SGMS1: variants seen among roughly 807,000 people sequenced by gnomAD.
The protein encoded by SGMS1 is sphingomyelin synthase 1.
A neutral mutation model predicts 46.2 loss-of-function variants in SGMS1; 13 were observed. That is an observed-to-expected ratio of 0.28 (90% confidence interval 0.18 to 0.45). The LOEUF (loss-of-function observed/expected upper bound fraction) is 0.45. SGMS1 is among the 20% of genes least tolerant of loss of function. SGMS1 has a pLI of 1.00. For missense variants in SGMS1, 324 were observed against 519.9 expected (o/e 0.62, Z 3.66); for synonymous variants, 203 against 187.8 (o/e 1.08, Z -0.66).
chr10:50,621,405 A>G (rs1419165402), intron 1 of SGMS1, among the ~76,000 whole-genome samples: 1 of 152,232 alleles, frequency 6.6e-6, no homozygotes, highest in East Asian at 1.9e-4. Context: ...GAAAACATAA[A>G]TATTCTTTAA....
chr10:50,364,074 A>G (rs527242550), intron 6 of SGMS1, among the ~76,000 whole-genome samples: 2 of 152,212 alleles, frequency 1.3e-5, no homozygotes, highest in South Asian at 4.1e-4. Context: ...AATATGAACA[A>G]TTCAATAGGA....
chr10:50,400,406 T>C (rs79648633), intron 6 of SGMS1, among the ~76,000 whole-genome samples: 2 of 5,156 alleles, frequency 3.9e-4, no homozygotes, highest in Admixed American at 2.8e-3. Context: ...CATATATATA[T>C]ATATATATAT....
upstream of SGMS1, chr10:50,624,629 G>C (rs1838900481): frequency 1.0e-6 from 1 of 985,396 alleles, no homozygotes; most frequent in African/African-American, 1.7e-5. Flanking sequence ...CCTCCGAGCT[G>C]CGGCGAAAAC....
At chr10:50,568,340 A>G (rs1838307953) in intron 2 of SGMS1, among the ~76,000 whole-genome samples, 2 of 152,350 alleles carry the variant, frequency 1.3e-5, no homozygotes, top group African/African-American at 4.8e-5. Context: ...TGAAGGAAGA[A>G]TGGAATGAAG....
At chr10:50,324,225 A>C (rs1847494636) in intron 8 of SGMS1, among the ~76,000 whole-genome samples, 1 of 152,194 alleles carries the variant, frequency 6.6e-6, no homozygotes, top group Admixed American at 6.5e-5. Flanking sequence ...TGAGGCTCTG[A>C]AAAGTTAAAT....
intron 2 of SGMS1, among the ~76,000 whole-genome samples, chr10:50,550,644 G>C (rs1453815487): frequency 6.6e-6 from 1 of 152,100 alleles, no homozygotes; most frequent in African/African-American, 2.4e-5. Flanking sequence ...CCCTGAGATT[G>C]TACTAATACA....
rs1564926600 is a variant in SGMS1 at position 50,488,028 on chromosome 10, T to TTGATTGATTG, written c.-497-21097_-497-21096insCAATCAATCA. Among the ~76,000 whole-genome samples, 403 of 137,406 alleles carry TTGATTGATTG rather than the reference T, an allele frequency of 2.9e-3. 1 individual carries two copies. The highest frequency in any genetic ancestry group is 9.9e-3 in the African/African-American group (383 of 38,784). The allele number at this position is 137,406 out of a possible 152,430, so 90.1% of individuals were successfully genotyped here. On this transcript the variant is annotated intron_variant, in intron 3 of 10. Coordinates refer to ENST00000361781, the MANE Select transcript of SGMS1 (RefSeq NM_147156.4). ...TTATTTATTTATTTATTTATTTATT[T>TTGATTGATTG]ATTGAGACTGAGTCTCACTCTATTG... is the stretch of plus-strand genomic sequence containing the variant.
At chr10:50,619,170 T>C (rs1361964143) in intron 1 of SGMS1, among the ~76,000 whole-genome samples, 1 of 151,650 alleles carries the variant, frequency 6.6e-6, no homozygotes, top group Non-Finnish European at 1.5e-5. Context: ...GCATACAGGA[T>C]GTTTGCTAGT....
intron 1 of SGMS1, among the ~76,000 whole-genome samples, chr10:50,615,462 G>A (rs1448803267): frequency 6.6e-6 from 1 of 152,196 alleles, no homozygotes; most frequent in Non-Finnish European, 1.5e-5. Context: ...ACCTACCAGA[G>A]AGTTGGGGAA....
intron 6 of SGMS1, among the ~76,000 whole-genome samples, chr10:50,365,517 T>G (rs1220034581): frequency 6.6e-6 from 1 of 152,120 alleles, no homozygotes; most frequent in Non-Finnish European, 1.5e-5. Flanking sequence ...CGGTACCTAT[T>G]AACCCATCAT....
intron 2 of SGMS1, among the ~76,000 whole-genome samples, chr10:50,575,678 T>C (rs1838378022): frequency 7.0e-6 from 1 of 143,022 alleles, no homozygotes; most frequent in Non-Finnish European, 1.5e-5. Context: ...TCGACTGTGG[T>C]GGTGGTAATA....
At chr10:50,598,454 AC>A (rs1206330589) in intron 1 of SGMS1, among the ~76,000 whole-genome samples, 1 of 152,244 alleles carries the variant, frequency 6.6e-6, no homozygotes, top group Non-Finnish European at 1.5e-5. Context: ...AGTGAATTTT[AC>A]TGAATTTTAA....
intron 1 of SGMS1, among the ~76,000 whole-genome samples, chr10:50,598,023 A>G (rs1191298452): frequency 2.0e-5 from 3 of 151,768 alleles, no homozygotes; most frequent in Non-Finnish European, 2.9e-5. Flanking sequence ...AAAAAAAAAA[A>G]AAAAGAAAAA....
chr10:50,581,014 A>T (rs1189270858), intron 2 of SGMS1, among the ~76,000 whole-genome samples: 2 of 152,210 alleles, frequency 1.3e-5, no homozygotes, highest in Non-Finnish European at 2.9e-5. Context: ...TCAATTCAGT[A>T]GGTCTGGGTG....
At chr10:50,399,921 CG>C (rs1848906795) in intron 6 of SGMS1, among the ~76,000 whole-genome samples, 1 of 151,120 alleles carries the variant, frequency 6.6e-6, no homozygotes, top group African/African-American at 2.4e-5. Flanking sequence ...CCCAGCCACT[CG>C]GGAGGCTGAG....
intron 6 of SGMS1, among the ~76,000 whole-genome samples, chr10:50,350,545 CG>C (rs1847991014): frequency 1.3e-5 from 2 of 152,084 alleles, no homozygotes; most frequent in African/African-American, 4.8e-5. Context: ...AGGAGGAAAA[CG>C]TTGTTTCATG....
chr10:50,323,077 C>T (rs182070571), intron 8 of SGMS1, among the ~76,000 whole-genome samples: 30 of 152,276 alleles, frequency 2.0e-4, no homozygotes, highest in Admixed American at 7.2e-4. Context: ...ATTATTGCTG[C>T]AGAAACATTT....
In SGMS1 at chr10:50,343,937, G is replaced by A. The variant is rs755753601; in HGVS notation, c.178C>T (p.Leu60Phe). Residue 60 changes from leucine (L) to phenylalanine (F), a missense_variant, in exon 7 of 11, where the codon CTC becomes TTC. By Grantham distance (22) the Leu-to-Phe change is conservative. This residue lies in a region of SGMS1 where 150 missense variants were observed against 169.8 expected (regional missense o/e 0.88). Coordinates refer to ENST00000361781, the MANE Select transcript of SGMS1 (RefSeq NM_147156.4). ...TTCAGGGTTTCTATCATGTCCAGGAGCCGCTGCCCATTGTCAGAGGAGACT... is the reference window on the plus strand; with the variant it reads ...TTCAGGGTTTCTATCATGTCCAGGAACCGCTGCCCATTGTCAGAGGAGACT... ...CRVSSDNGQR[L>F]LDMIETLKME... 6.2e-7 allele frequency: 1 copy of A among 1,613,948 alleles called. No individual in the cohort carries two copies. Among genetic ancestry groups the A allele is most frequent in the South Asian group, 1.1e-5 (1 of 91,068 alleles).
chr10:50,399,156 C>T lies in SGMS1; in HGVS notation c.-232+34320G>A, dbSNP rs144083057. Among the ~76,000 whole-genome samples, 395 of 151,318 alleles carry T rather than the reference C, an allele frequency of 2.6e-3. 2 individuals carry two copies. The highest frequency in any genetic ancestry group is 9.3e-3 in the African/African-American group (383 of 41,070). Reference sequence around the variant, plus strand: ...TCACTGAATTATATAGAAAATATACCGCAGTAAGTTGGTTTTTTAAATGAC... The same window carrying T: ...TCACTGAATTATATAGAAAATATACTGCAGTAAGTTGGTTTTTTAAATGAC... On this transcript the variant is annotated intron_variant, in intron 6 of 10. Coordinates refer to ENST00000361781, the MANE Select transcript of SGMS1 (RefSeq NM_147156.4).
Sources: gnomAD v4.1 joint callset for allele counts (sites outside exome capture counted in the v4.1 genomes callset) on GRCh38, gnomAD v4.1.1 for gene constraint, gnomAD v4.1.1 regional missense constraint, MANE v1.5 for transcripts, NCBI Gene and HGNC (gene_info 2026-07-23, HGNC 2026-07-21) for gene names.